Variants in MORF4L1 observed in about 807,000 individuals in gnomAD.
MORF4L1 encodes the protein mortality factor 4-like protein 1.
MORF4L1 carries 4 observed loss-of-function variants against 52.9 expected under a neutral mutation model. That is an observed-to-expected ratio of 0.08 (90% CI 0.04 to 0.17). MORF4L1 has a LOEUF of 0.17. MORF4L1 is among the 10% of genes least tolerant of loss of function. The pLI is 1.00. For missense variants in MORF4L1, 214 were observed against 390.4 expected (o/e 0.55, Z 3.81); for synonymous variants, 123 against 134.8 (o/e 0.91, Z 0.61).
intron 1 of MORF4L1, among the ~76,000 whole-genome samples, chr15:78,874,241 T>C (rs530320450): frequency 6.6e-6 from 1 of 152,370 alleles, no homozygotes; most frequent in African/African-American, 2.4e-5. Context: ...TCTACATGCG[T>C]ACGATTTTTG....
At chr15:78,888,356 A>T (rs1047435110) in intron 5 of MORF4L1, among the ~76,000 whole-genome samples, 1 of 151,822 alleles carries the variant, frequency 6.6e-6, no homozygotes, top group Non-Finnish European at 1.5e-5. Context: ...AGTCCCACCT[A>T]TTCAGGAGGC....
At chr15:78,873,328 T>C in intron 1 of MORF4L1, 1 of 1,075,052 alleles carries the variant, frequency 9.3e-7, no homozygotes, top group Non-Finnish European at 1.2e-6. Context: ...TTTGTTATTG[T>C]TCTGAGGAAG....
intron 5 of MORF4L1, among the ~76,000 whole-genome samples, chr15:78,889,797 TAAC>T (rs1193462073): frequency 2.0e-5 from 3 of 152,188 alleles, no homozygotes; most frequent in Non-Finnish European, 4.4e-5. Context: ...ATTTAATTAA[TAAC>T]ATTTATAAGT....
chr15:78,896,091 G>C (rs992054043), intron 11 of MORF4L1, among the ~76,000 whole-genome samples: 1 of 152,010 alleles, frequency 6.6e-6, no homozygotes, highest in African/African-American at 2.4e-5. Flanking sequence ...CGATTCTTGG[G>C]CCTCAGCCTC....
intron 6 of MORF4L1, 164 bp downstream of exon 6, chr15:78,891,178 C>T (rs1187022454): frequency 5.6e-6 from 5 of 894,262 alleles, no homozygotes; most frequent in East Asian, 5.8e-5. Context: ...GTAGAGACCT[C>T]TTTTTGCCAA....
intron 3 of MORF4L1, among the ~76,000 whole-genome samples, chr15:78,882,278 G>C (rs756513080): frequency 2.6e-5 from 4 of 152,042 alleles, no homozygotes; most frequent in African/African-American, 9.7e-5. Context: ...ATGTGCCACT[G>C]CACTCTAGCC....
At chr15:78,876,644 A>G in intron 1 of MORF4L1, 1 of 454,524 alleles carries the variant, frequency 2.2e-6, no homozygotes. Flanking sequence ...TAGGAAACAC[A>G]GATCTGATCT....
chr15:78,891,956 A>G (rs568590815), intron 7 of MORF4L1, among the ~76,000 whole-genome samples: 33 of 152,250 alleles, frequency 2.2e-4, no homozygotes, highest in Non-Finnish European at 2.8e-4. Flanking sequence ...TTTCCTGAAC[A>G]AGAGGAACCT....
intron 1 of MORF4L1, chr15:78,876,717 T>G (rs1477408171): frequency 5.7e-6 from 2 of 349,332 alleles, no homozygotes; most frequent in African/African-American, 4.2e-5. Flanking sequence ...CCTGGGCCGT[T>G]GGAGAAGTCT....
intron 3 of MORF4L1, among the ~76,000 whole-genome samples, chr15:78,883,292 A>T (rs2056636225): frequency 6.6e-6 from 1 of 152,070 alleles, no homozygotes; most frequent in Non-Finnish European, 1.5e-5. Flanking sequence ...AGATATTTTT[A>T]AAAACCTTAA....
intron 1 of MORF4L1, among the ~76,000 whole-genome samples, chr15:78,877,087 A>C (rs1319159994): frequency 1.4e-5 from 2 of 148,086 alleles, no homozygotes; most frequent in Non-Finnish European, 3.0e-5. Flanking sequence ...GCTGGGACTG[A>C]AGGTGCACAT....
chr15:78,886,077 T>C, intron 3 of MORF4L1, 64 bp from the exon 4 acceptor site: 1 of 1,240,784 alleles, frequency 8.1e-7, no homozygotes, highest in Non-Finnish European at 1.2e-6. Flanking sequence ...TGCCTCTTGA[T>C]CTCAGAAAAT....
At position 78,872,920 on chromosome 15, in the gene MORF4L1, G is replaced by A. The variant is rs1369956206; in HGVS notation, c.-98G>A. The stretch of plus-strand genomic sequence containing the variant: ...CGGCCCAGGATGTAGAGCTGGCAGT[G>A]CCTGACGGCGCGTCTGACGCGGAGT... On this transcript the variant is annotated 5_prime_UTR_variant, in exon 1 of 12. Coordinates refer to ENST00000426013, the MANE Select transcript of MORF4L1 (RefSeq NM_006791.4). 1.3e-6 allele frequency: 2 copies of A among 1,506,930 alleles called. No homozygotes were observed. Among genetic ancestry groups the A allele is most frequent in the Non-Finnish European group, 1.8e-6 (2 of 1,128,594 alleles). The allele number at this position is 1,506,930 out of a possible 1,614,324, so 93.3% of individuals were successfully genotyped here.
chr15:78,885,198 G>C lies in MORF4L1; in HGVS notation c.156-943G>C, dbSNP rs1022732906. On this transcript the variant is annotated intron_variant, in intron 3 of 11. Coordinates refer to ENST00000426013, the MANE Select transcript of MORF4L1 (RefSeq NM_006791.4). ...AGAGGTGGGAAATCATTAAACAAAA[G>C]AAAGTCTTAAATTTTTTTTTGTAAT... 165 of 811,416 alleles carry C rather than the reference G, an allele frequency of 2.0e-4. 1 individual carries two copies. The African/African-American group carries it at 2.8e-3, about 14-fold the overall frequency. The allele number at this position is 811,416 out of a possible 1,614,324, so 50.3% of individuals were successfully genotyped here.
intron 6 of MORF4L1, chr15:78,891,235 C>T (rs1857083809): frequency 3.0e-6 from 2 of 676,132 alleles, no homozygotes; most frequent in African/African-American, 1.8e-5. Flanking sequence ...GTCTTAATGT[C>T]TCCCACTGAG....
intron 5 of MORF4L1, among the ~76,000 whole-genome samples, chr15:78,887,758 C>T (rs1186900209): frequency 6.6e-6 from 1 of 152,194 alleles, no homozygotes; most frequent in Non-Finnish European, 1.5e-5. Flanking sequence ...TAACTGCCCT[C>T]CTCATCCCCA....
At chr15:78,873,799 C>G (rs964264301) in intron 1 of MORF4L1, 1 of 152,372 alleles carries the variant, frequency 6.6e-6, no homozygotes, top group African/African-American at 2.4e-5. Flanking sequence ...GGAGGCATCA[C>G]TCTGCTATTC....
At chr15:78,882,873 C>T (rs1334246150) in intron 3 of MORF4L1, among the ~76,000 whole-genome samples, 1 of 151,952 alleles carries the variant, frequency 6.6e-6, no homozygotes, top group East Asian at 1.9e-4. Flanking sequence ...CCAGCCTGGG[C>T]AACATAGGTA....
intron 5 of MORF4L1, 151 bp from the exon 6 acceptor site, chr15:78,890,838 A>T (rs1379592200): frequency 1.5e-6 from 1 of 682,660 alleles, no homozygotes; most frequent in African/African-American, 1.9e-5. Context: ...ACTATCAATA[A>T]AAATCCTTGT....
Sources: gnomAD v4.1 joint callset for allele counts (sites outside exome capture counted in the v4.1 genomes callset) on GRCh38, gnomAD v4.1.1 for gene constraint, MANE v1.5 for transcripts, NCBI Gene and HGNC (gene_info 2026-07-23, HGNC 2026-07-21) for gene names.